The following SCUBE1 variants were observed in gnomAD, a reference collection of about 807,000 sequenced individuals.
The protein encoded by SCUBE1 is signal peptide, CUB and EGF-like domain-containing protein 1.
A neutral mutation model predicts 124.4 loss-of-function variants in SCUBE1; 59 were observed. The observed-to-expected ratio is 0.47, with a 90% CI of 0.38 to 0.59. SCUBE1 has a LOEUF of 0.59. Ranked by LOEUF, SCUBE1 falls within the 20% of genes least tolerant of loss-of-function variation. SCUBE1 has a pLI of 0.00. For synonymous variants in SCUBE1, 545 were observed against 550.9 expected, an observed-to-expected ratio of 0.99 and a Z score of 0.15; for missense variants, 1,150 against 1,371.2, an observed-to-expected ratio of 0.84 and a Z score of 2.55.
At position 43,258,156 on chromosome 22, in the gene SCUBE1, G is replaced by T; in HGVS notation, c.727+63C>A. 2 of 1,086,916 alleles carry T rather than the reference G, an allele frequency of 1.8e-6. No homozygotes were observed. The highest frequency in any genetic ancestry group is 2.8e-6 in the Non-Finnish European group (2 of 715,276). The allele number at this position is 1,086,916 out of a possible 1,614,324, so 67.3% of individuals were successfully genotyped here. On this transcript the variant is annotated intron_variant, in intron 6 of 21. Coordinates refer to ENST00000360835, the MANE Select transcript of SCUBE1 (RefSeq NM_173050.5). The surrounding 1 kb of genome is among the most constrained non-coding windows in gnomAD (Gnocchi z 5.0). The stretch of plus-strand genomic sequence containing the variant: ...GTGGCAGGGTGCTGGCCCTGCTGGT[G>T]CACGCATGGGGGGTCGGGGGCGGGG...
chr22:43,297,982 T>C (rs2001154), intron 3 of SCUBE1, among the ~76,000 whole-genome samples: 120,741 of 152,122 alleles, frequency 0.79, 48,569 homozygotes, highest in Admixed American at 0.87. Flanking sequence ...CAGCCCATCT[T>C]AGGAAGCGAA....
chr22:43,207,669 T>C (rs1921348037), intron 20 of SCUBE1, 56 bp from the exon 21 acceptor site: 5 of 1,360,662 alleles, frequency 3.7e-6, no homozygotes, highest in Admixed American at 1.7e-5. Context: ...GCCCACGTGC[T>C]CCCCTTTCAC....
chr22:43,212,650 T>C lies in SCUBE1; in HGVS notation c.2054-58A>G, dbSNP rs907296990. Reference sequence around the variant, plus strand: ...GGAGGGCACCGCAGGGCCGAGGCTGTGGGTGGTCTCAGGCCCCGCTCTTGG... The same window carrying C: ...GGAGGGCACCGCAGGGCCGAGGCTGCGGGTGGTCTCAGGCCCCGCTCTTGG... On this transcript the variant is annotated intron_variant, in intron 16 of 21. Coordinates refer to ENST00000360835, the MANE Select transcript of SCUBE1 (RefSeq NM_173050.5). 7.6e-6 allele frequency: 11 copies of C among 1,445,504 alleles called. No individual in the cohort carries two copies. In the African/African-American group the frequency reaches 1.6e-4, roughly 21 times the overall value. The allele number at this position is 1,445,504 out of a possible 1,614,324, so 89.5% of individuals were successfully genotyped here. A position where few individuals can be genotyped will look rare whatever the true frequency, so the allele number is the denominator to read the frequency against.
Position 43,212,728 on chromosome 22 carries a change from C to T in SCUBE1, c.2054-136G>A, listed in dbSNP as rs535587672. The T allele has an allele frequency of 1.6e-3, 630 of 403,586 alleles. 7 individuals are homozygous for T. In the Middle Eastern group the frequency reaches 0.041, roughly 26 times the overall value. 25.0% of individuals were successfully genotyped at this position (403,586 alleles called of 1,614,324 possible). A position where few individuals can be genotyped will look rare whatever the true frequency, so the allele number is the denominator to read the frequency against. The stretch of plus-strand genomic sequence containing the variant: ...GGGCACCCGAGGCCTGGGGTGGGGA[C>T]GGGGTGGGGAAAACGCAGCAGCCGG... On this transcript the variant is annotated intron_variant, in intron 16 of 21. Transcript: ENST00000360835.
chr22:43,212,357 G>T, intron 17 of SCUBE1, 68 bp downstream of exon 17: 1 of 1,483,950 alleles, frequency 6.7e-7, no homozygotes, highest in Non-Finnish European at 9.1e-7. Flanking sequence ...GGGGTTCGGG[G>T]AAGCCTCTCG....
At chr22:43,249,884 G>A (rs550235999) in intron 6 of SCUBE1, among the ~76,000 whole-genome samples, 1 of 152,324 alleles carries the variant, frequency 6.6e-6, no homozygotes, top group African/African-American at 2.4e-5. Flanking sequence ...GCCAGGGGAA[G>A]CCTGGGACTC....
At chr22:43,320,325 T>C (rs146535903) in intron 2 of SCUBE1, among the ~76,000 whole-genome samples, 70 of 152,294 alleles carry the variant, frequency 4.6e-4, no homozygotes, top group African/African-American at 1.6e-3. Flanking sequence ...TTCTGAAAAC[T>C]AGCTCTCTTG....
chr22:43,263,324 TC>T (rs1923942387), intron 4 of SCUBE1, among the ~76,000 whole-genome samples: 1 of 152,226 alleles, frequency 6.6e-6, no homozygotes, highest in Non-Finnish European at 1.5e-5. Context: ...ATGTTTATCT[TC>T]CTGGTGATTT....
intron 4 of SCUBE1, among the ~76,000 whole-genome samples, chr22:43,281,765 G>A (rs535405792): frequency 2.0e-5 from 3 of 152,336 alleles, no homozygotes; most frequent in African/African-American, 7.2e-5. Context: ...CTGTACAACT[G>A]AGGCAAGTGT....
intron 1 of SCUBE1, 63 bp downstream of exon 1, chr22:43,343,111 G>T: frequency 1.2e-6 from 1 of 828,972 alleles, no homozygotes; most frequent in South Asian, 5.6e-5. Flanking sequence ...AGCCCTCCGG[G>T]ACCGCGCCTC....
intron 16 of SCUBE1, chr22:43,213,337 C>G (rs549083050): frequency 6.6e-6 from 1 of 152,290 alleles, no homozygotes; most frequent in African/African-American, 2.4e-5. Context: ...GCAGCCTGGA[C>G]GGACTCAGGG....
chr22:43,219,480 C>CTTTTT lies in SCUBE1; in HGVS notation c.1687+965_1687+969dup, dbSNP rs139001. 4.0e-4 allele frequency among the ~76,000 whole-genome samples: 58 copies of CTTTTT among 144,776 alleles called. 1 individual carries two copies. The highest frequency in any genetic ancestry group is 1.4e-3 in the African/African-American group (54 of 38,862). The allele number at this position is 144,776 out of a possible 152,430, so 95.0% of individuals were successfully genotyped here. On this transcript the variant is annotated intron_variant, in intron 14 of 21. Coordinates refer to ENST00000360835, the MANE Select transcript of SCUBE1 (RefSeq NM_173050.5). ...CAACGCAAATAGACTAAAACATTTC[C>CTTTTT]TTTTTTTTTTTTTGAGATAGAGTCT...
intron 12 of SCUBE1, 80 bp downstream of exon 12, chr22:43,222,558 C>G (rs1922134971): frequency 8.7e-7 from 1 of 1,153,924 alleles, no homozygotes; most frequent in African/African-American, 1.5e-5. Context: ...GGGCGGTGCC[C>G]TTTCCTCCCC....
chr22:43,338,895 C>T (rs1337319445), intron 2 of SCUBE1, among the ~76,000 whole-genome samples: 1 of 152,242 alleles, frequency 6.6e-6, no homozygotes, highest in Middle Eastern at 3.2e-3. Context: ...CACCCCATGA[C>T]TCTAACTCCA....
intron 4 of SCUBE1, among the ~76,000 whole-genome samples, chr22:43,284,747 C>G (rs747769312): frequency 8.2e-5 from 12 of 147,208 alleles, no homozygotes; most frequent in Admixed American, 2.8e-4. Context: ...GCAGCTCTTG[C>G]AATCATCATC....
intron 15 of SCUBE1, among the ~76,000 whole-genome samples, chr22:43,216,737 C>G (rs548585133): frequency 6.6e-6 from 1 of 152,044 alleles, no homozygotes; most frequent in East Asian, 1.9e-4. Context: ...ACGGCTGTCC[C>G]CCTCCACTGT....
At chr22:43,289,652 C>T (rs529509303) in intron 4 of SCUBE1, among the ~76,000 whole-genome samples, 9 of 152,354 alleles carry the variant, frequency 5.9e-5, no homozygotes, top group South Asian at 2.1e-4. Context: ...CACCTCACAG[C>T]CTCCTGCCTG....
intron 16 of SCUBE1, 26 bp downstream of exon 16, chr22:43,214,064 A>G (rs754028424): frequency 3.6e-5 from 12 of 334,052 alleles, no homozygotes; most frequent in Non-Finnish European, 4.7e-5. Flanking sequence ...CCCCACCCCC[A>G]CCTCTCCTTC....
chr22:43,215,356 A>T (rs1261172906), intron 15 of SCUBE1, among the ~76,000 whole-genome samples: 1 of 152,232 alleles, frequency 6.6e-6, no homozygotes, highest in African/African-American at 2.4e-5. Flanking sequence ...AGGGATACAG[A>T]CCCAGAGGTA....
Sources: gnomAD v4.1 joint callset for allele counts (sites outside exome capture counted in the v4.1 genomes callset) on GRCh38, gnomAD v4.1.1 for gene constraint, Gnocchi (gnomAD v3.1) non-coding constraint, MANE v1.5 for transcripts, NCBI Gene and HGNC (gene_info 2026-07-23, HGNC 2026-07-21) for gene names.